Variants in RPN2 observed in about 807,000 individuals in gnomAD.
RPN2 encodes the protein dolichyl-diphosphooligosaccharide--protein glycosyltransferase subunit 2.
RPN2 carries 29 observed loss-of-function variants against 71.4 expected under a neutral mutation model. That is an observed-to-expected ratio of 0.41 (90% CI 0.30 to 0.55). RPN2 has a LOEUF of 0.55. RPN2 is among the 20% of genes least tolerant of loss of function. The pLI, the probability that RPN2 is intolerant of heterozygous loss-of-function variation, is 0.35. For missense variants in RPN2, 726 were observed against 774.1 expected (o/e 0.94, Z 0.74); for synonymous variants, 308 against 305.0 (o/e 1.01, Z -0.10).
chr20:37,204,729 T>TA, intron 5 of RPN2, 38 bp from the exon 6 acceptor site: 1 of 1,612,892 alleles, frequency 6.2e-7, no homozygotes, highest in Non-Finnish European at 8.5e-7. Flanking sequence ...TTTCTGCTGT[T>TA]ACTTGACATC....
In RPN2 at chr20:37,228,586, G is replaced by A. The variant is rs2068143571; in HGVS notation, c.1336G>A (p.Glu446Lys). Residue 446 changes from glutamate to lysine, a missense_variant, in exon 12 of 17, where the codon GAA (glutamate) becomes AAA (lysine). Coordinates refer to ENST00000237530, the MANE Select transcript of RPN2 (RefSeq NM_002951.5). ...VRLHNQKTGQ[E>K]VVFVAEPDNK... The stretch of plus-strand genomic sequence containing the variant: ...ACTCCATAACCAGAAGACTGGCCAG[G>A]AAGTGGTGTTTGTTGCCGAGCCAGA... 1 of 1,614,240 alleles carries A rather than the reference G, an allele frequency of 6.2e-7. No homozygotes were observed. Among genetic ancestry groups the A allele is most frequent in the Non-Finnish European group, 8.5e-7 (1 of 1,180,034 alleles).
chr20:37,216,301 C>T (rs976177599), intron 9 of RPN2, among the ~76,000 whole-genome samples: 10 of 151,830 alleles, frequency 6.6e-5, no homozygotes, highest in South Asian at 4.2e-4. Flanking sequence ...ATCGTGCCAC[C>T]GCACTCCAGC....
intron 9 of RPN2, among the ~76,000 whole-genome samples, chr20:37,221,520 C>T (rs2067958050): frequency 6.6e-6 from 1 of 152,074 alleles, no homozygotes; most frequent in African/African-American, 2.4e-5. Flanking sequence ...TTTAATTGCT[C>T]CATAGTAATT....
In RPN2 at chr20:37,228,689, C is replaced by CTCT; in HGVS notation, c.1440_1442dup (p.Leu481dup). The stretch of plus-strand genomic sequence containing the variant: ...TTTGACTCTGCCTCTGGCACCTACA[C>CTCT]TCTCTACTTAATCATTGGAGATGCC... On this transcript the variant is annotated inframe_insertion, in exon 12 of 17. Transcript: ENST00000237530. The CTCT allele has an allele frequency of 6.2e-7, 1 of 1,614,226 alleles. No homozygotes were observed. The highest frequency in any genetic ancestry group is 8.5e-7 in the Non-Finnish European group (1 of 1,180,022).
chr20:37,233,033 T>A (rs1257358981), intron 14 of RPN2, among the ~76,000 whole-genome samples: 1 of 151,626 alleles, frequency 6.6e-6, no homozygotes. Flanking sequence ...CTGGGCAACA[T>A]AGCAAGACCC....
chr20:37,221,715 G>A (rs748082963), intron 9 of RPN2, among the ~76,000 whole-genome samples: 7 of 152,210 alleles, frequency 4.6e-5, no homozygotes, highest in Non-Finnish European at 8.8e-5. Flanking sequence ...TCTGAAGACA[G>A]ATTATTTTTA....
chr20:37,236,446 G>A, intron 15 of RPN2, 134 bp from the exon 16 acceptor site: 1 of 958,776 alleles, frequency 1.0e-6, no homozygotes, highest in Non-Finnish European at 1.6e-6. Context: ...TGGCATCAGA[G>A]CAAAGGAATA....
At chr20:37,217,211 C>T (rs1006613946) in intron 9 of RPN2, among the ~76,000 whole-genome samples, 2 of 151,842 alleles carry the variant, frequency 1.3e-5, no homozygotes, top group East Asian at 3.9e-4. Flanking sequence ...GGATTATAGG[C>T]GTGAACCACC....
chr20:37,214,714 C>T (rs2067763903), intron 9 of RPN2, among the ~76,000 whole-genome samples: 1 of 152,190 alleles, frequency 6.6e-6, no homozygotes. Flanking sequence ...AAAAGTAATG[C>T]TCTGCCCTAC....
intron 16 of RPN2, among the ~76,000 whole-genome samples, chr20:37,239,252 T>C (rs1438942197): frequency 6.6e-6 from 1 of 152,230 alleles, no homozygotes. Flanking sequence ...AGCCATAGAC[T>C]GTATAAACAA....
chr20:37,213,800 A>C lies in RPN2; in HGVS notation c.1027A>C (p.Ser343Arg). The C allele has an allele frequency of 1.9e-6, 3 of 1,614,148 alleles. No individual in the cohort carries two copies. Among genetic ancestry groups the C allele is most frequent in the African/African-American group, 1.3e-5 (1 of 75,050 alleles). ...ELNFMNVKFS[S>R]GYYDFLVEVE... ...AAATTTCATGAACGTCAAATTTTCCAGTGGTTATTATGACTTCCTTGTCGA... is the reference window on the plus strand; with the variant it reads ...AAATTTCATGAACGTCAAATTTTCCCGTGGTTATTATGACTTCCTTGTCGA... The change falls in exon 9 of 17, where the codon AGT (serine) becomes CGT (arginine). Residue 343 changes from serine to arginine, a missense_variant. Transcript: ENST00000237530.
chr20:37,209,394 A>C (rs1456113581), intron 7 of RPN2, among the ~76,000 whole-genome samples: 2 of 152,092 alleles, frequency 1.3e-5, no homozygotes, highest in Non-Finnish European at 2.9e-5. Flanking sequence ...CCTGGCCTTA[A>C]GTGATCCTCC....
intron 9 of RPN2, among the ~76,000 whole-genome samples, chr20:37,214,761 T>TAC (rs1353674460): frequency 6.6e-6 from 1 of 152,216 alleles, no homozygotes; most frequent in Non-Finnish European, 1.5e-5. Context: ...TATGTCTTAT[T>TAC]ACAGGTCATG....
At chr20:37,195,955 A>G (rs1352800060) in intron 2 of RPN2, among the ~76,000 whole-genome samples, 1 of 152,206 alleles carries the variant, frequency 6.6e-6, no homozygotes, top group African/African-American at 2.4e-5. Flanking sequence ...TGGTTGGAGT[A>G]GCATGTACAC....
rs142354050 is a variant in RPN2 at position 37,224,088 on chromosome 20, C to T, written c.1184+119C>T. Reference sequence around the variant, plus strand: ...TGTCAGCAGCCATCCAGCTTACATCCTAAATTAAAGAGTCTGTAGTTCCAC... The same window carrying T: ...TGTCAGCAGCCATCCAGCTTACATCTTAAATTAAAGAGTCTGTAGTTCCAC... On this transcript the variant is annotated intron_variant, in intron 10 of 16. Transcript: ENST00000237530. 214 of 816,648 alleles carry T rather than the reference C, an allele frequency of 2.6e-4. 2 individuals are homozygous for T. The highest frequency in any genetic ancestry group is 2.1e-3 in the Middle Eastern group (8 of 3,884). The allele number at this position is 816,648 out of a possible 1,614,324, so 50.6% of individuals were successfully genotyped here. A position where few individuals can be genotyped will look rare whatever the true frequency, so the allele number is the denominator to read the frequency against.
chr20:37,233,406 A>G (rs2068303295), intron 14 of RPN2, among the ~76,000 whole-genome samples: 1 of 152,142 alleles, frequency 6.6e-6, no homozygotes, highest in Non-Finnish European at 1.5e-5. Flanking sequence ...CATATCCTCA[A>G]AGCTCAGAGA....
In RPN2 at chr20:37,232,358, G is replaced by A. The variant is rs1003710745; in HGVS notation, c.1644G>A (p.Leu548=). The A allele has an allele frequency of 6.2e-7, 1 of 1,614,174 alleles. No individual in the cohort carries two copies. The highest frequency in any genetic ancestry group is 2.2e-5 in the East Asian group (1 of 44,884). ...PTVVSNTFTA[L]ILSPLLLLFA... ...TGGTGTCCAATACATTCACTGCCCT[G>A]ATCCTCTCGCCGTTGCTTCTGCTCT... Residue 548 remains leucine (L), a synonymous_variant, in exon 14 of 17, where the codon CTG becomes CTA. Transcript: ENST00000237530.
At chr20:37,222,945 T>C (rs943527104) in intron 9 of RPN2, among the ~76,000 whole-genome samples, 1 of 152,202 alleles carries the variant, frequency 6.6e-6, no homozygotes, top group African/African-American at 2.4e-5. Context: ...CATGGATTGG[T>C]TTGTGCTTAT....
rs1211577927 is a variant in RPN2 at position 37,199,209 on chromosome 20, G to A, written c.463G>A (p.Glu155Lys). The A allele has an allele frequency of 1.9e-6, 3 of 1,613,992 alleles. No individual in the cohort carries two copies. The highest frequency in any genetic ancestry group is 1.7e-5 in the Admixed American group (1 of 60,018). ...TGCCCTTACTGCTCGTCTCAGCAAG[G>A]AGGAGACTGTGCTGGCGTGAGTTGT... ...LSALTARLSK[E>K]ETVLATVQAL... The change falls in exon 4 of 17, where the codon GAG (glutamate) becomes AAG (lysine). Residue 155 changes from glutamate (E) to lysine (K), a missense_variant. Transcript: ENST00000237530.
Sources: allele counts gnomAD v4.1 joint callset (sites outside exome capture counted in the v4.1 genomes callset), GRCh38; gene constraint gnomAD v4.1.1; transcripts MANE v1.5; gene names NCBI Gene and HGNC (gene_info 2026-07-23, HGNC 2026-07-21).